The following MARCHF1 variants were observed in gnomAD, a reference collection of about 807,000 sequenced individuals.
The protein encoded by MARCHF1 is membrane associated ring-CH-type finger 1.
MARCHF1 carries 40 observed loss-of-function variants against 54.2 expected under a neutral mutation model. The observed-to-expected ratio is 0.74, with a 90% CI of 0.57 to 0.96. The LOEUF (loss-of-function observed/expected upper bound fraction) is 0.96. MARCHF1 is among the 40% of genes least tolerant of loss of function. MARCHF1 has a pLI of 0.00. For missense variants in MARCHF1, 586 were observed against 656.5 expected, an observed-to-expected ratio of 0.89 and a Z score of 1.17; for synonymous variants, 236 against 236.3, an observed-to-expected ratio of 1.00 and a Z score of 0.01.
rs1178581368 is a variant in MARCHF1 at position 164,220,579 on chromosome 4, C to CAT, written c.-322-108919_-322-108918dup. The stretch of plus-strand genomic sequence containing the variant: ...ATGATATATATCTATATATGTAATA[C>CAT]ATATGATATATGTATATATGTAATA... On this transcript the variant is annotated intron_variant, in intron 1 of 9. Transcript: ENST00000514618. Among the ~76,000 whole-genome samples, 1,141 of 127,768 alleles carry CAT rather than the reference C, an allele frequency of 8.9e-3. 8 individuals are homozygous for CAT. Among genetic ancestry groups the CAT allele is most frequent in the African/African-American group, 0.032 (1,088 of 33,770 alleles). 83.8% of individuals were successfully genotyped at this position (127,768 alleles called of 152,430 possible).
chr4:163,614,264 T>A (rs1741442110), intron 5 of MARCHF1, among the ~76,000 whole-genome samples: 1 of 152,166 alleles, frequency 6.6e-6, no homozygotes, highest in Non-Finnish European at 1.5e-5. Flanking sequence ...TATGTGCTTA[T>A]CAGTGTTCTA....
At chr4:163,990,232 G>A (rs551009319) in intron 2 of MARCHF1, among the ~76,000 whole-genome samples, 4 of 152,152 alleles carry the variant, frequency 2.6e-5, no homozygotes, top group African/African-American at 9.6e-5. Context: ...ACCTGCCCAT[G>A]GTTCTAACCC....
chr4:163,540,877 G>A (rs1028509279), intron 9 of MARCHF1, among the ~76,000 whole-genome samples: 3 of 152,124 alleles, frequency 2.0e-5, no homozygotes, highest in African/African-American at 7.2e-5. Flanking sequence ...AGCTGGGCAC[G>A]GTGATTCCCA....
At chr4:164,021,597 TCC>T (rs10527410) in intron 2 of MARCHF1, among the ~76,000 whole-genome samples, 149,241 of 152,204 alleles carry the variant, frequency 0.98, 73,228 homozygotes, top group East Asian at 1. Context: ...TTCTCCTAAG[TCC>T]TTCTTATAGA....
At chr4:164,054,282 C>T (rs1195362184) in intron 2 of MARCHF1, among the ~76,000 whole-genome samples, 1 of 151,982 alleles carries the variant, frequency 6.6e-6, no homozygotes, top group Non-Finnish European at 1.5e-5. Flanking sequence ...ACAACAGGTG[C>T]TGGAGAGGAT....
At chr4:164,361,580 C>G (rs546408106) in intron 1 of MARCHF1, among the ~76,000 whole-genome samples, 6 of 152,078 alleles carry the variant, frequency 3.9e-5, no homozygotes, top group Non-Finnish European at 8.8e-5. Flanking sequence ...TGTATATATT[C>G]ATGCAACTCT....
intron 2 of MARCHF1, among the ~76,000 whole-genome samples, chr4:164,043,643 C>G: frequency 6.6e-6 from 1 of 152,168 alleles, no homozygotes; most frequent in East Asian, 1.9e-4. Flanking sequence ...GTCTTTGTCA[C>G]TTATGCAAAC....
intron 1 of MARCHF1, among the ~76,000 whole-genome samples, chr4:164,283,804 T>C (rs994809339): frequency 6.6e-6 from 1 of 150,866 alleles, no homozygotes; most frequent in Non-Finnish European, 1.5e-5. Context: ...GGAGGGAGTG[T>C]ATACAGAGGG....
intron 8 of MARCHF1, among the ~76,000 whole-genome samples, chr4:163,553,030 C>T (rs1455108569): frequency 1.6e-5 from 1 of 60,646 alleles, no homozygotes. Context: ...GAGACTCCGT[C>T]TCAAAAAAAA....
At chr4:163,562,747 A>ATG (rs1739513264) in intron 8 of MARCHF1, among the ~76,000 whole-genome samples, 1 of 152,120 alleles carries the variant, frequency 6.6e-6, no homozygotes, top group Non-Finnish European at 1.5e-5. Context: ...TCCCAAACCC[A>ATG]TGTGTCCTGA....
At chr4:163,679,979 G>GTTTTTT (rs11327231) in intron 5 of MARCHF1, among the ~76,000 whole-genome samples, 1 of 139,374 alleles carries the variant, frequency 7.2e-6, no homozygotes. Flanking sequence ...CTTTTTATCT[G>GTTTTTT]TTTTTTTTTT....
chr4:164,243,023 G>C (rs201880442), intron 1 of MARCHF1, among the ~76,000 whole-genome samples: 32,862 of 125,788 alleles, frequency 0.26, 4,201 homozygotes, highest in Admixed American at 0.39. Flanking sequence ...GAAAGTGATG[G>C]GGAGAATGGA....
intron 1 of MARCHF1, among the ~76,000 whole-genome samples, chr4:164,258,595 CT>C (rs749425393): frequency 2.2e-4 from 34 of 152,096 alleles, no homozygotes; most frequent in Admixed American, 5.2e-4. Context: ...TTAAAATTAG[CT>C]TCTGCCATGT....
At chr4:164,162,788 C>T (rs778494637) in intron 1 of MARCHF1, among the ~76,000 whole-genome samples, 10 of 151,834 alleles carry the variant, frequency 6.6e-5, no homozygotes, top group African/African-American at 9.7e-5. Context: ...TCAGGAAATT[C>T]AAAGCAGGCT....
At chr4:164,220,565 C>CTATATATGTAATACATATGATATATG (rs1302636884) in intron 1 of MARCHF1, among the ~76,000 whole-genome samples, 1 of 140,126 alleles carries the variant, frequency 7.1e-6, no homozygotes, top group Non-Finnish European at 1.5e-5. Flanking sequence ...TGATATATAT[C>CTATATATGTAATACATATGATATATG]TATATATGTA....
intron 4 of MARCHF1, among the ~76,000 whole-genome samples, chr4:163,810,480 A>G (rs41445146): frequency 0.049 from 7,462 of 152,220 alleles, 221 homozygotes; most frequent in East Asian, 0.081. Flanking sequence ...AAGAAAGTCT[A>G]TGGGTGAATC....
At chr4:164,239,224 G>A (rs928522666) in intron 1 of MARCHF1, among the ~76,000 whole-genome samples, 2 of 152,000 alleles carry the variant, frequency 1.3e-5, no homozygotes, top group African/African-American at 4.8e-5. Flanking sequence ...AAAGAAAAGT[G>A]AATAATCTCT....
intron 2 of MARCHF1, among the ~76,000 whole-genome samples, chr4:163,999,110 T>C (rs1284476382): frequency 6.6e-6 from 1 of 151,640 alleles, no homozygotes; most frequent in East Asian, 1.9e-4. Flanking sequence ...CTCCAACATG[T>C]ATATTCCTTC....
At chr4:163,662,329 T>C (rs1743371124) in intron 5 of MARCHF1, among the ~76,000 whole-genome samples, 1 of 152,028 alleles carries the variant, frequency 6.6e-6, no homozygotes, top group African/African-American at 2.4e-5. Context: ...TTCTTTGTTC[T>C]CTCATCCTGG....
Sources: gnomAD v4.1 joint callset for allele counts (sites outside exome capture counted in the v4.1 genomes callset) on GRCh38, gnomAD v4.1.1 for gene constraint, MANE v1.5 for transcripts, NCBI Gene and HGNC (gene_info 2026-07-23, HGNC 2026-07-21) for gene names.